TNFAIP8: variants seen among roughly 807,000 people sequenced by gnomAD.
TNFAIP8 encodes tumor necrosis factor alpha-induced protein 8.
TNFAIP8 carries 7 observed loss-of-function variants against 13.3 expected under a neutral mutation model. The ratio of observed to expected loss-of-function variants is 0.52; its 90% confidence interval spans 0.30 to 0.99. The LOEUF is 0.99. Ranked by LOEUF, TNFAIP8 falls within the 50% of genes least tolerant of loss-of-function variation. The probability of loss-of-function intolerance (pLI) is 0.07; values close to 1 mark genes in which losing one functional copy is unlikely to be tolerated. For missense variants in TNFAIP8, 258 were observed against 236.9 expected, an observed-to-expected ratio of 1.09 and a Z score of -0.58; for synonymous variants, 94 against 87.6, an observed-to-expected ratio of 1.07 and a Z score of -0.41.
At chr5:119,299,686 T>G (rs1749297907) in intron 1 of TNFAIP8, among the ~76,000 whole-genome samples, 1 of 152,170 alleles carries the variant, frequency 6.6e-6, no homozygotes, top group Non-Finnish European at 1.5e-5. Context: ...TGCTGTCTTT[T>G]TGTTTGTTGT....
intron 1 of TNFAIP8, among the ~76,000 whole-genome samples, chr5:119,324,274 CA>C (rs56104829): frequency 2.4e-4 from 19 of 77,652 alleles, no homozygotes; most frequent in Admixed American, 3.0e-4. Context: ...GACGCCATCT[CA>C]AAAAAAAAAA....
intron 1 of TNFAIP8, among the ~76,000 whole-genome samples, chr5:119,318,349 T>C (rs1749958729): frequency 6.6e-6 from 1 of 152,178 alleles, no homozygotes; most frequent in South Asian, 2.1e-4. Context: ...AGTGCAGTAA[T>C]GTGATCACAG....
chr5:119,296,704 C>G (rs1749188645), intron 1 of TNFAIP8, among the ~76,000 whole-genome samples: 3 of 152,212 alleles, frequency 2.0e-5, no homozygotes, highest in Admixed American at 2.0e-4. Flanking sequence ...AGGAATGGTA[C>G]CAGTTCCTCC....
At chr5:119,370,033 G>A (rs191342134) in intron 1 of TNFAIP8, among the ~76,000 whole-genome samples, 3 of 152,336 alleles carry the variant, frequency 2.0e-5, no homozygotes, top group African/African-American at 7.2e-5. Flanking sequence ...GTCACATCTT[G>A]TGGCAGCAAT....
intron 1 of TNFAIP8, among the ~76,000 whole-genome samples, chr5:119,368,432 T>C (rs1580429247): frequency 7.7e-6 from 1 of 130,138 alleles, no homozygotes; most frequent in South Asian, 2.4e-4. Flanking sequence ...CTAAGCAGCG[T>C]GTGTGTGTGT....
At chr5:119,380,765 C>T (rs112962910) in intron 1 of TNFAIP8, among the ~76,000 whole-genome samples, 2,071 of 152,240 alleles carry the variant, frequency 0.014, 51 homozygotes, top group African/African-American at 0.046. Flanking sequence ...AGGCTCTGTT[C>T]AAACTTTGGT....
chr5:119,324,342 A>T (rs1750153335), intron 1 of TNFAIP8, among the ~76,000 whole-genome samples: 2 of 144,366 alleles, frequency 1.4e-5, no homozygotes, highest in Admixed American at 1.4e-4. Flanking sequence ...AACATTCCCA[A>T]CTTCCCCCTC....
intron 1 of TNFAIP8, among the ~76,000 whole-genome samples, chr5:119,357,498 T>TA (rs1751476124): frequency 6.6e-6 from 1 of 152,168 alleles, no homozygotes. Context: ...AAGCTGGCGT[T>TA]TTCTCTCAGG....
chr5:119,330,905 G>A (rs987007169), intron 1 of TNFAIP8, among the ~76,000 whole-genome samples: 2 of 151,546 alleles, frequency 1.3e-5, no homozygotes, highest in Non-Finnish European at 2.9e-5. Context: ...GGGGTTAGGG[G>A]TTAGGGTACA....
At chr5:119,299,570 C>T (rs1266658642) in intron 1 of TNFAIP8, among the ~76,000 whole-genome samples, 4 of 152,172 alleles carry the variant, frequency 2.6e-5, no homozygotes, top group South Asian at 2.1e-4. Context: ...CAGGGACCCT[C>T]GTGAGGAGGC....
intron 1 of TNFAIP8, among the ~76,000 whole-genome samples, chr5:119,278,414 T>A (rs1748526964): frequency 7.1e-6 from 1 of 141,840 alleles, no homozygotes; most frequent in South Asian, 2.2e-4. Context: ...TGTGTGTGTG[T>A]GTGTGTGAAG....
At chr5:119,300,989 G>A (rs1326268783) in intron 1 of TNFAIP8, among the ~76,000 whole-genome samples, 1 of 152,102 alleles carries the variant, frequency 6.6e-6, no homozygotes, top group Non-Finnish European at 1.5e-5. Flanking sequence ...ATTACAAGTG[G>A]GCCCCAAGCT....
chr5:119,390,605 T>C (rs1752853967), intron 1 of TNFAIP8, among the ~76,000 whole-genome samples: 1 of 152,230 alleles, frequency 6.6e-6, no homozygotes, highest in Non-Finnish European at 1.5e-5. Flanking sequence ...TTCTGCAGTT[T>C]CAGTTCATGT....
upstream of TNFAIP8, chr5:119,355,559 A>G (rs1210891425): frequency 1.2e-5 from 7 of 577,064 alleles, no homozygotes; most frequent in Non-Finnish European, 2.2e-5. Flanking sequence ...TTGGGTTGCA[A>G]GACTCCAAGA....
chr5:119,350,410 G>T (rs1161096328), intron 1 of TNFAIP8, among the ~76,000 whole-genome samples: 1 of 152,168 alleles, frequency 6.6e-6, no homozygotes, highest in African/African-American at 2.4e-5. Flanking sequence ...AGCATCTTCG[G>T]ATTTTGGTAT....
intron 1 of TNFAIP8, among the ~76,000 whole-genome samples, chr5:119,275,484 G>C (rs1472652645): frequency 6.6e-6 from 1 of 152,186 alleles, no homozygotes; most frequent in East Asian, 1.9e-4. Context: ...TCAGGACTCG[G>C]AGTTGCCAAG....
At chr5:119,282,506 G>A (rs184586000) in intron 1 of TNFAIP8, among the ~76,000 whole-genome samples, 21 of 152,336 alleles carry the variant, frequency 1.4e-4, no homozygotes, top group African/African-American at 5.1e-4. Context: ...CATGGATTCA[G>A]TGTCAGGTTT....
intron 1 of TNFAIP8, among the ~76,000 whole-genome samples, chr5:119,291,747 T>C (rs1748992435): frequency 6.6e-6 from 1 of 152,268 alleles, no homozygotes; most frequent in African/African-American, 2.4e-5. Context: ...ATTGTCCTTG[T>C]ATTTTCGTTG....
At chr5:119,361,880 T>A (rs375146033) in intron 1 of TNFAIP8, among the ~76,000 whole-genome samples, 1 of 152,216 alleles carries the variant, frequency 6.6e-6, no homozygotes, top group African/African-American at 2.4e-5. Flanking sequence ...CCCCTCTCCC[T>A]TGCCTGCTGC....
Sources: gnomAD v4.1 joint callset for allele counts (sites outside exome capture counted in the v4.1 genomes callset) on GRCh38, gnomAD v4.1.1 for gene constraint, MANE v1.5 for transcripts, NCBI Gene and HGNC (gene_info 2026-07-23, HGNC 2026-07-21) for gene names.